Variants in KANK1 observed in about 807,000 individuals in gnomAD.
KANK1 encodes KN motif and ankyrin repeat domains 1.
In KANK1, 109 loss-of-function variants were observed where a neutral mutation model predicts 106.2. That is an observed-to-expected ratio of 1.03 (90% CI 0.88 to 1.20). The LOEUF (loss-of-function observed/expected upper bound fraction) is 1.20. Among genes scored for constraint, KANK1 ranks in the 50% most tolerant of loss-of-function variants. The probability of loss-of-function intolerance (pLI) is 0.00; values close to 1 mark genes in which losing one functional copy is unlikely to be tolerated. For missense variants in KANK1, 2,399 were observed against 1,710.7 expected, an observed-to-expected ratio of 1.40 and a Z score of -7.10; for synonymous variants, 873 against 652.2, an observed-to-expected ratio of 1.34 and a Z score of -5.16.
At chr9:473,847 G>C (rs2058060627) in intron 3 of KANK1, among the ~76,000 whole-genome samples, 1 of 152,064 alleles carries the variant, frequency 6.6e-6, no homozygotes, top group Non-Finnish European at 1.5e-5. Context: ...CTGCAGGCAT[G>C]TGCCACCACA....
intron 1 of KANK1, among the ~76,000 whole-genome samples, chr9:526,651 T>A (rs1343778238): frequency 6.6e-6 from 1 of 151,864 alleles, no homozygotes; most frequent in African/African-American, 2.4e-5. Flanking sequence ...TACAAAACCG[T>A]CCATGAAAAC....
At chr9:662,862 T>G (rs201076488) in intron 1 of KANK1, among the ~76,000 whole-genome samples, 1 of 152,176 alleles carries the variant, frequency 6.6e-6, no homozygotes, top group East Asian at 1.9e-4. Flanking sequence ...GGGTTTCACC[T>G]TGTTGGCCAG....
chr9:573,124 T>A (rs1411547755), intron 1 of KANK1, among the ~76,000 whole-genome samples: 1 of 152,190 alleles, frequency 6.6e-6, no homozygotes, highest in African/African-American at 2.4e-5. Flanking sequence ...GTCAGTCAAG[T>A]GCTGCGTGAG....
At chr9:659,390 G>A (rs911006102) in intron 1 of KANK1, among the ~76,000 whole-genome samples, 1 of 152,086 alleles carries the variant, frequency 6.6e-6, no homozygotes, top group Non-Finnish European at 1.5e-5. Context: ...CAGATTGCAG[G>A]GCCCCAAACC....
At chr9:682,771 C>T (rs949628651) in intron 2 of KANK1, among the ~76,000 whole-genome samples, 1 of 152,122 alleles carries the variant, frequency 6.6e-6, no homozygotes, top group African/African-American at 2.4e-5. Context: ...ATCTCGTTAT[C>T]TTGGTCAGTT....
chr9:529,216 T>A (rs2059942617), intron 1 of KANK1, among the ~76,000 whole-genome samples: 1 of 150,240 alleles, frequency 6.7e-6, no homozygotes, highest in Non-Finnish European at 1.5e-5. Context: ...GAGATAACTC[T>A]GTTAATATAT....
chr9:488,563 A>C (rs2058330449), intron 3 of KANK1, among the ~76,000 whole-genome samples: 1 of 152,180 alleles, frequency 6.6e-6, no homozygotes, highest in Admixed American at 6.5e-5. Flanking sequence ...CAATTACCTC[A>C]ACTGCAAAGG....
At chr9:683,684 C>A (rs986383038) in intron 2 of KANK1, among the ~76,000 whole-genome samples, 1 of 152,182 alleles carries the variant, frequency 6.6e-6, no homozygotes, top group Admixed American at 6.5e-5. Flanking sequence ...AATAAAACGT[C>A]CTCCCTGATA....
At chr9:733,888 A>G (rs539210003) in intron 6 of KANK1, 2 of 152,286 alleles carry the variant, frequency 1.3e-5, no homozygotes, top group East Asian at 3.9e-4. Context: ...TGAGGCAGGC[A>G]GGCAGATAGC....
chr9:547,318 C>T (rs1180975779), intron 1 of KANK1: 1 of 152,180 alleles, frequency 6.6e-6, no homozygotes, highest in African/African-American at 2.4e-5. Flanking sequence ...CTTGAATTCA[C>T]AGAACTGTCT....
Position 730,127 on chromosome 9 carries a change from TGAGCAA to T in KANK1, c.2778_2783del (p.Gln927_Glu928del). 1.2e-6 allele frequency: 2 copies of T among 1,614,190 alleles called. No individual in the cohort carries two copies. The highest frequency in any genetic ancestry group is 1.7e-6 in the Non-Finnish European group (2 of 1,180,004). ...CCTTAAGCTCCCAGACATCCCAGCC[TGAGCAA>T]GAAGTGGGGACCTCAGAAGGAAAGC... On this transcript the variant is annotated inframe_deletion, in exon 4 of 12. Coordinates refer to ENST00000382297, the MANE Select transcript of KANK1 (RefSeq NM_015158.5).
chr9:529,329 G>A lies in KANK1; in HGVS notation c.-84+24575G>A, dbSNP rs1163692143. ...TTTTGAGACGGAGTCTTGCTCTGTC[G>A]CCAGGCTGGAGTGCAATGGCGCCAC... On this transcript the variant is annotated intron_variant, in intron 1 of 11. Transcript: ENST00000382297. 8.2e-5 allele frequency among the ~76,000 whole-genome samples: 12 copies of A among 147,158 alleles called. No homozygotes were observed. In the South Asian group the frequency reaches 2.6e-3, roughly 32 times the overall value.
chr9:626,026 C>T (rs75422146), intron 1 of KANK1, among the ~76,000 whole-genome samples: 2,278 of 152,162 alleles, frequency 0.015, 30 homozygotes, highest in South Asian at 0.041. Context: ...TTCTACAGCT[C>T]GGTGCACTTG....
At chr9:668,106 T>C (rs898696235) in intron 1 of KANK1, among the ~76,000 whole-genome samples, 2 of 152,212 alleles carry the variant, frequency 1.3e-5, no homozygotes, top group Non-Finnish European at 2.9e-5. Flanking sequence ...ATTTCTACTT[T>C]TAAAAATTTG....
intron 2 of KANK1, among the ~76,000 whole-genome samples, chr9:694,757 A>G (rs1370351763): frequency 1.3e-5 from 2 of 152,064 alleles, no homozygotes; most frequent in Non-Finnish European, 2.9e-5. Flanking sequence ...CTCTTAACCC[A>G]TGCCCAGAGT....
At chr9:542,842 C>G (rs1352140724) in intron 1 of KANK1, among the ~76,000 whole-genome samples, 2 of 109,222 alleles carry the variant, frequency 1.8e-5, no homozygotes, top group South Asian at 5.2e-4. Flanking sequence ...CCAAGAAAGT[C>G]AAACTCTCAC....
chr9:669,511 T>G (rs1271812598), intron 1 of KANK1, among the ~76,000 whole-genome samples: 1 of 131,218 alleles, frequency 7.6e-6, no homozygotes, highest in Non-Finnish European at 1.8e-5. Flanking sequence ...TAGCAGGGTT[T>G]TTTGGGGTTT....
chr9:723,343 C>T (rs1047164964), intron 3 of KANK1, among the ~76,000 whole-genome samples: 1 of 152,100 alleles, frequency 6.6e-6, no homozygotes, highest in Non-Finnish European at 1.5e-5. Flanking sequence ...GTGACACTAT[C>T]TGGAAGGGGT....
chr9:479,506 C>T (rs563608943), intron 3 of KANK1, among the ~76,000 whole-genome samples: 3 of 144,276 alleles, frequency 2.1e-5, no homozygotes, highest in South Asian at 2.2e-4. Context: ...CAAATGGGGA[C>T]GGAGGGACTA....
Sources: gnomAD v4.1 joint callset for allele counts (sites outside exome capture counted in the v4.1 genomes callset) on GRCh38, gnomAD v4.1.1 for gene constraint, MANE v1.5 for transcripts, NCBI Gene and HGNC (gene_info 2026-07-23, HGNC 2026-07-21) for gene names.